The following SAMD9 variants were observed in gnomAD, a reference collection of about 807,000 sequenced individuals.
The protein encoded by SAMD9 is sterile alpha motif domain-containing protein 9.
SAMD9 carries 3 observed loss-of-function variants against 1.5 expected under a neutral mutation model. The ratio of observed to expected loss-of-function variants is 2.05; its 90% confidence interval spans 0.93 to 5.29. The LOEUF is 5.29. SAMD9 is among the 30% of genes most tolerant of loss of function. The pLI is 0.02. For missense variants in SAMD9, 1,597 were observed against 1,820.8 expected, an observed-to-expected ratio of 0.88 and a Z score of 2.24; for synonymous variants, 635 against 631.9, an observed-to-expected ratio of 1.00 and a Z score of -0.07.
intron 2 of SAMD9, among the ~76,000 whole-genome samples, chr7:93,106,569 T>C (rs1265180576): frequency 6.6e-6 from 1 of 152,162 alleles, no homozygotes; most frequent in African/African-American, 2.4e-5. Flanking sequence ...ATAAAGTAAA[T>C]AGAGCATATG....
At position 93,103,070 on chromosome 7, in the gene SAMD9, C is replaced by G; in HGVS notation, c.3028G>C (p.Asp1010His). The G allele has an allele frequency of 6.2e-7, 1 of 1,613,744 alleles. No homozygotes were observed. ...YHLNKSQIML[D>H]MLTENLFFDT... ...AAGAACAAATTCTCAGTTAGCATAT[C>G]CAACATAATTTGACTTTTATTCAGG... Residue 1010 changes from aspartate (D) to histidine (H), a missense_variant, in exon 3 of 3, where the codon GAT (aspartate) becomes CAT (histidine). By Grantham distance (81) the Asp-to-His change is moderately conservative (BLOSUM62 -1). This residue lies in a region of SAMD9 where 682 missense variants were observed against 810.0 expected (regional missense o/e 0.84). Transcript: ENST00000379958.
rs780363399 is a variant in SAMD9, at chr7:93,103,735, C to T, written c.2363G>A (p.Arg788His). 1.2e-5 allele frequency: 19 copies of T among 1,613,704 alleles called. No individual in the cohort carries two copies. Among genetic ancestry groups the T allele is most frequent in the Middle Eastern group, 1.6e-4 (1 of 6,084 alleles). ...GAGTAGTACAGGTACGTATTCCTGA[C>T]GGTTCATTGCCCCATAGGTGATTAA... ...TSLITYGAMN[R>H]QEYVPVLLLV... The change falls in exon 3 of 3, where the codon CGT becomes CAT. Residue 788 changes from arginine to histidine, a missense_variant. By Grantham distance (29) the Arg-to-His change is conservative. This residue lies in a region of SAMD9 where 358 missense variants were observed against 460.4 expected (regional missense o/e 0.78). Transcript: ENST00000379958.
In SAMD9 at chr7:93,104,858, T is replaced by A. The variant is rs1347566996; in HGVS notation, c.1240A>T (p.Ile414Phe). Residue 414 changes from isoleucine to phenylalanine, a missense_variant, in exon 3 of 3, where the codon ATT (isoleucine) becomes TTT (phenylalanine). By Grantham distance (21) the Ile-to-Phe change is conservative. This residue lies in a region of SAMD9 where 358 missense variants were observed against 460.4 expected (regional missense o/e 0.78). Transcript: ENST00000379958. ...LLDNSYYEQY[I>F]LVTNKCHPDQ... ...GGGTGGCATTTATTTGTTACAAGAA[T>A]GTACTGTTCATAGTATGAATTATCT... 1 of 1,613,660 alleles carries A rather than the reference T, an allele frequency of 6.2e-7. No homozygotes were observed. The highest frequency in any genetic ancestry group is 1.3e-5 in the African/African-American group (1 of 75,062).
intron 2 of SAMD9, among the ~76,000 whole-genome samples, chr7:93,111,434 G>A (rs530014164): frequency 2.7e-3 from 411 of 152,258 alleles, no homozygotes; most frequent in African/African-American, 9.1e-3. Context: ...AAAGCTAGCA[G>A]AAGGCAAGAA....
At chr7:93,109,851 G>A (rs1194848735) in intron 2 of SAMD9, among the ~76,000 whole-genome samples, 22 of 152,180 alleles carry the variant, frequency 1.4e-4, no homozygotes, top group South Asian at 1.0e-3. Context: ...TGAAAGTGAC[G>A]GGGAGAATGG....
rs756669343 is a variant in SAMD9, at chr7:93,102,596, G to C, written c.3502C>G (p.Gln1168Glu). The change falls in exon 3 of 3, where the codon CAG becomes GAG. Residue 1168 changes from glutamine (Q) to glutamate (E), a missense_variant. Coordinates refer to ENST00000379958, the MANE Select transcript of SAMD9 (RefSeq NM_017654.4). ...HASSAFKESQ[Q>E]QSEDREYEVK... ...TCATACTCTCTATCTTCACTTTGCT[G>C]TTGAGATTCTTTGAATGCACTTGAG... is the stretch of plus-strand genomic sequence containing the variant. 3.3e-5 allele frequency: 54 copies of C among 1,613,610 alleles called. No homozygotes were observed. Among genetic ancestry groups the C allele is most frequent in the Non-Finnish European group, 3.0e-5 (35 of 1,179,754 alleles).
At chr7:93,117,086 A>G (rs565298010) in intron 1 of SAMD9, among the ~76,000 whole-genome samples, 22 of 152,212 alleles carry the variant, frequency 1.4e-4, no homozygotes, top group South Asian at 4.1e-4. Context: ...ATAGTAGTCT[A>G]TCTGTCTGTC....
rs1791515360 is a variant in SAMD9, at chr7:93,100,806, A to C, written c.*522T>G. On this transcript the variant is annotated 3_prime_UTR_variant, in exon 3 of 3. Transcript: ENST00000379958. ...GTAAGGTCTGATGACTTCTGTGGGC[A>C]TGACCTTCAGAAGACTGGTTGGTCC... The C allele has an allele frequency of 1.2e-5, 2 of 160,312 alleles. No individual in the cohort carries two copies. The highest frequency in any genetic ancestry group is 2.8e-5 in the Non-Finnish European group (2 of 72,706). The allele number at this position is 160,312 out of a possible 1,614,324, so 9.9% of individuals were successfully genotyped here. A position where few individuals can be genotyped will look rare whatever the true frequency, so the allele number is the denominator to read the frequency against.
Position 93,112,614 on chromosome 7 carries a change from T to C in SAMD9, c.-9+2181A>G, listed in dbSNP as rs113740118. ...AGTAGCTTCAGCAAAGTCTCAGGAT[T>C]CAAAATCAATGTGCAAAAATCACAA... is the stretch of plus-strand genomic sequence containing the variant. On this transcript the variant is annotated intron_variant, in intron 2 of 2. Coordinates refer to ENST00000379958, the MANE Select transcript of SAMD9 (RefSeq NM_017654.4). Among the ~76,000 whole-genome samples the C allele has an allele frequency of 5.3e-4, 80 of 152,112 alleles. 2 individuals carry two copies. Among genetic ancestry groups the C allele is most frequent in the Non-Finnish European group, 1.9e-4 (13 of 68,026 alleles).
At chr7:93,112,223 G>A (rs949530474) in intron 2 of SAMD9, among the ~76,000 whole-genome samples, 1 of 152,144 alleles carries the variant, frequency 6.6e-6, no homozygotes, top group Non-Finnish European at 1.5e-5. Context: ...TATCTCAATA[G>A]ATGCAGAAAA....
chr7:93,107,150 C>T (rs982815048), intron 2 of SAMD9, among the ~76,000 whole-genome samples: 6 of 151,912 alleles, frequency 3.9e-5, no homozygotes, highest in African/African-American at 1.5e-4. Flanking sequence ...AAGTGATCCT[C>T]CTGCCTCAGC....
chr7:93,103,550 T>C lies in SAMD9; in HGVS notation c.2548A>G (p.Ser850Gly). The stretch of plus-strand genomic sequence containing the variant: ...GAGAGTTGCTGTATTACGGCAATAC[T>C]GTCTGGGATCCTTGCACTTTTTTCA... ...NPEKSARIPD[S>G]IAVIQQLSPK... The change falls in exon 3 of 3, where the codon AGT becomes GGT. Residue 850 changes from serine to glycine, a missense_variant. By Grantham distance (56) the Ser-to-Gly change is moderately conservative. Transcript: ENST00000379958. 6.2e-7 allele frequency: 1 copy of C among 1,613,658 alleles called. No individual in the cohort carries two copies. The highest frequency in any genetic ancestry group is 8.5e-7 in the Non-Finnish European group (1 of 1,179,642).
chr7:93,116,863 G>T (rs1791840275), intron 1 of SAMD9, among the ~76,000 whole-genome samples: 1 of 152,188 alleles, frequency 6.6e-6, no homozygotes, highest in African/African-American at 2.4e-5. Context: ...ATTTGTTACT[G>T]ATTGAACCCA....
intron 2 of SAMD9, among the ~76,000 whole-genome samples, chr7:93,106,334 T>C (rs1433736183): frequency 2.6e-5 from 4 of 152,224 alleles, no homozygotes; most frequent in South Asian, 4.1e-4. Context: ...AATTGTGGCA[T>C]ACTATACATA....
chr7:93,102,522 G>GT lies in SAMD9; in HGVS notation c.3575dup (p.Tyr1192Ter). The change falls in exon 3 of 3, where the codon TAC (tyrosine) becomes TAAC (stop). Residue 1192 changes from tyrosine to a stop codon, truncating the protein, a stop_gained and frameshift_variant. Coordinates refer to ENST00000379958, the MANE Select transcript of SAMD9 (RefSeq NM_017654.4). LOFTEE classifies it low-confidence loss of function (END_TRUNC). ...TCTCTCCTTGATAACCAGCTATATT[G>GT]TAAGTATCATACCGCCTTTTTGACT... The part of the protein sequence containing the change: ...YPKSKRRYDT[Y>*]NIAGYQGEIE... The GT allele has an allele frequency of 2.5e-6, 4 of 1,613,648 alleles. No homozygotes were observed. Among genetic ancestry groups the GT allele is most frequent in the Non-Finnish European group, 3.4e-6 (4 of 1,179,658 alleles).
rs1351245494 is a variant in SAMD9 at position 93,103,097 on chromosome 7, G to A, written c.3001C>T (p.His1001Tyr). The A allele has an allele frequency of 6.2e-7, 1 of 1,613,750 alleles. No homozygotes were observed. The highest frequency in any genetic ancestry group is 1.7e-5 in the Admixed American group (1 of 59,990). Residue 1001 changes from histidine (H) to tyrosine (Y), a missense_variant, in exon 3 of 3, where the codon CAC becomes TAC. This residue lies in a region of SAMD9 where 682 missense variants were observed against 810.0 expected (regional missense o/e 0.84). Transcript: ENST00000379958. ...FSLEELKKSYHLNKSQIMLDM... is the reference protein window; with the variant it reads ...FSLEELKKSYYLNKSQIMLDM... ...AACATAATTTGACTTTTATTCAGGT[G>A]ATAGCTTTTCTTCAATTCTTCCAGT...
intron 2 of SAMD9, among the ~76,000 whole-genome samples, chr7:93,113,961 A>G (rs1791790128): frequency 6.6e-6 from 1 of 152,196 alleles, no homozygotes; most frequent in South Asian, 2.1e-4. Flanking sequence ...ATATACCCAA[A>G]GGATTATAAA....
Position 93,104,965 on chromosome 7 carries a change from T to A in SAMD9, c.1133A>T (p.Glu378Val). 1 of 1,611,296 alleles carries A rather than the reference T, an allele frequency of 6.2e-7. No individual in the cohort carries two copies. The highest frequency in any genetic ancestry group is 1.3e-5 in the African/African-American group (1 of 74,862). ...TTTATTTGTTTTTGCTCTGAATTTT[T>A]CTTCTGCTGCTTTTCTGGACTCTGC... ...TLAESRKAAE[E>V]KFRAKTNKKE... The change falls in exon 3 of 3, where the codon GAA becomes GTA. Residue 378 changes from glutamate (E) to valine (V), a missense_variant. By Grantham distance (121) the Glu-to-Val change is moderately radical. This residue lies in a region of SAMD9 where 498 missense variants were observed against 457.4 expected (regional missense o/e 1.09). Coordinates refer to ENST00000379958, the MANE Select transcript of SAMD9 (RefSeq NM_017654.4).
Position 93,105,276 on chromosome 7 carries a change from G to A in SAMD9, c.822C>T (p.Asp274=), listed in dbSNP as rs1462362061. Residue 274 remains aspartate, a synonymous_variant, in exon 3 of 3, where the codon GAC becomes GAT. Coordinates refer to ENST00000379958, the MANE Select transcript of SAMD9 (RefSeq NM_017654.4). The stretch of plus-strand genomic sequence containing the variant: ...ACTTCTTTGCTTGTTGGACTTGATG[G>A]TCTTCAAAATACTTGTTTATCATCA... The part of the protein sequence containing the change: ...FNLMINKYFE[D]HQVQQAKKCI... 1 of 1,613,822 alleles carries A rather than the reference G, an allele frequency of 6.2e-7. No individual in the cohort carries two copies.
Sources: gnomAD v4.1 joint callset for allele counts (sites outside exome capture counted in the v4.1 genomes callset) on GRCh38, gnomAD v4.1.1 for gene constraint, gnomAD v4.1.1 regional missense constraint, MANE v1.5 for transcripts, NCBI Gene and HGNC (gene_info 2026-07-23, HGNC 2026-07-21) for gene names.